Variants in NOS1 observed in about 807,000 individuals in gnomAD.
NOS1 encodes NOS type I.
NOS1 carries 51 observed loss-of-function variants against 164.5 expected under a neutral mutation model. The ratio of observed to expected loss-of-function variants is 0.31; its 90% CI spans 0.25 to 0.39. The LOEUF is 0.39. Ranked by LOEUF, NOS1 falls within the 10% of genes least tolerant of loss-of-function variation. The probability of loss-of-function intolerance (pLI) is 1.00; values close to 1 mark genes in which losing one functional copy is unlikely to be tolerated. For synonymous variants in NOS1, 719 were observed against 745.8 expected (o/e 0.96, Z 0.59); for missense variants, 1,362 against 1,885.6 (o/e 0.72, Z 5.14).
intron 1 of NOS1, among the ~76,000 whole-genome samples, chr12:117,337,104 C>CTATTTTT (rs1566082153): frequency 5.3e-5 from 5 of 94,072 alleles, no homozygotes; most frequent in Non-Finnish European, 4.2e-5. Flanking sequence ...CTGCTTTTTA[C>CTATTTTT]TCTTTTTTTT....
At chr12:117,292,691 A>C (rs1343782502) in intron 3 of NOS1, among the ~76,000 whole-genome samples, 2 of 152,232 alleles carry the variant, frequency 1.3e-5, no homozygotes, top group African/African-American at 4.8e-5. Context: ...TCTGGCTCCC[A>C]AACCATGCCC....
chr12:117,302,106 G>A (rs1207713497), intron 3 of NOS1: 3 of 456,544 alleles, frequency 6.6e-6, no homozygotes, highest in Non-Finnish European at 1.3e-5. Context: ...ATTTCATTGG[G>A]TTGAGCTGGG....
At chr12:117,353,928 C>T (rs1200618853) in intron 1 of NOS1, among the ~76,000 whole-genome samples, 5 of 152,046 alleles carry the variant, frequency 3.3e-5, no homozygotes, top group Admixed American at 3.3e-4. Context: ...GGTGAGAATC[C>T]ACCTCTACAA....
chr12:117,302,135 A>C, intron 3 of NOS1: 2 of 456,592 alleles, frequency 4.4e-6, no homozygotes, highest in Non-Finnish European at 8.8e-6. Flanking sequence ...GAAGCCATGG[A>C]CTTAAAGTGC....
intron 1 of NOS1, among the ~76,000 whole-genome samples, chr12:117,341,914 T>C (rs1253726904): frequency 2.0e-5 from 3 of 152,222 alleles, no homozygotes; most frequent in Admixed American, 2.0e-4. Context: ...ACTATTATTT[T>C]TAGAGTCACT....
intron 3 of NOS1, among the ~76,000 whole-genome samples, chr12:117,295,539 G>A (rs1212984381): frequency 6.6e-6 from 1 of 151,814 alleles, no homozygotes; most frequent in Admixed American, 6.6e-5. Context: ...TGATGTAAAG[G>A]GTTGAATTCC....
chr12:117,314,154 T>C (rs1874569691), intron 2 of NOS1, among the ~76,000 whole-genome samples: 1 of 152,248 alleles, frequency 6.6e-6, no homozygotes. Flanking sequence ...CTTCTGCTTT[T>C]CTGCCTGGAG....
chr12:117,332,580 T>A (rs1376568361), intron 1 of NOS1, among the ~76,000 whole-genome samples: 1 of 150,690 alleles, frequency 6.6e-6, no homozygotes, highest in African/African-American at 2.5e-5. Context: ...AAAAAAAAAA[T>A]CAGGCCGGTC....
chr12:117,343,415 G>A (rs1368965799), intron 1 of NOS1, among the ~76,000 whole-genome samples: 2 of 152,084 alleles, frequency 1.3e-5, no homozygotes, highest in Admixed American at 6.6e-5. Context: ...TCCTAATAAC[G>A]TCATTTCCAT....
chr12:117,318,825 T>C (rs1160832333), intron 2 of NOS1, among the ~76,000 whole-genome samples: 1 of 152,204 alleles, frequency 6.6e-6, no homozygotes, highest in Non-Finnish European at 1.5e-5. Flanking sequence ...CAGGAGGCCC[T>C]GACCACATTT....
chr12:117,212,084 A>C lies in NOS1; in HGVS notation c.*3225T>G. 1.0e-6 allele frequency: 1 copy of C among 984,276 alleles called. No individual in the cohort carries two copies. Among genetic ancestry groups the C allele is most frequent in the Non-Finnish European group, 1.2e-6 (1 of 829,152 alleles). The allele number at this position is 984,276 out of a possible 1,614,324, so 61.0% of individuals were successfully genotyped here. ...CTGTCAAAAAAAAAAATAGATTCTAACCTTCTGCACGAGAGGAACTGTGTT... is the reference window on the plus strand; with the variant it reads ...CTGTCAAAAAAAAAAATAGATTCTACCCTTCTGCACGAGAGGAACTGTGTT... On this transcript the variant is annotated 3_prime_UTR_variant, in exon 29 of 29. Transcript: ENST00000317775.
chr12:117,332,822 G>A (rs1332901212), intron 1 of NOS1, among the ~76,000 whole-genome samples: 1 of 152,192 alleles, frequency 6.6e-6, no homozygotes, highest in African/African-American at 2.4e-5. Flanking sequence ...CTGAGATTAC[G>A]CCATTGCGCT....
At chr12:117,355,459 A>G (rs1876813865) in intron 1 of NOS1, among the ~76,000 whole-genome samples, 1 of 152,196 alleles carries the variant, frequency 6.6e-6, no homozygotes, top group Non-Finnish European at 1.5e-5. Flanking sequence ...GTAAACTAAA[A>G]TGCCTCGAAG....
At chr12:117,238,757 C>T (rs377692157) in intron 20 of NOS1, among the ~76,000 whole-genome samples, 16 of 152,180 alleles carry the variant, frequency 1.1e-4, no homozygotes, top group African/African-American at 3.4e-4. Flanking sequence ...CCTCATGATC[C>T]GCCTGCCTCG....
In NOS1 at chr12:117,267,587, C is replaced by CA. The variant is rs59643665; in HGVS notation, c.1941+455dup. On this transcript the variant is annotated intron_variant, in intron 11 of 28. Transcript: ENST00000317775. ...GGGCGACAAGAGTGAAACTCCATCT[C>CA]AAAAAAAAAAAAAAAGTGTTGTGGC... 6.6e-3 allele frequency among the ~76,000 whole-genome samples: 915 copies of CA among 139,492 alleles called. 12 individuals are homozygous for CA. The highest frequency in any genetic ancestry group is 0.024 in the East Asian group (114 of 4,704). 91.5% of individuals were successfully genotyped at this position (139,492 alleles called of 152,430 possible).
At position 117,208,479 on chromosome 12, in the gene NOS1, T is replaced by C. The variant is rs1956476475; in HGVS notation, c.*6830A>G. The C allele has an allele frequency of 7.9e-7, 1 of 1,266,282 alleles. No individual in the cohort carries two copies. Among genetic ancestry groups the C allele is most frequent in the Non-Finnish European group, 1.0e-6 (1 of 975,310 alleles). 78.4% of individuals were successfully genotyped at this position (1,266,282 alleles called of 1,614,324 possible). A position where few individuals can be genotyped will look rare whatever the true frequency, so the allele number is the denominator to read the frequency against. On this transcript the variant is annotated 3_prime_UTR_variant, in exon 29 of 29. Transcript: ENST00000317775. Reference sequence around the variant, plus strand: ...AGCTTCCCAAGCCCGGAACGGACACTGCGACGTGGGGTGCCCGGCACCGCT... The same window carrying C: ...AGCTTCCCAAGCCCGGAACGGACACCGCGACGTGGGGTGCCCGGCACCGCT...
intron 28 of NOS1, among the ~76,000 whole-genome samples, chr12:117,217,702 C>CA (rs113163267): frequency 8.1e-4 from 113 of 140,262 alleles, no homozygotes; most frequent in Admixed American, 2.0e-3. Context: ...AAGACTCCGT[C>CA]AAAAAAAAAA....
intron 10 of NOS1, among the ~76,000 whole-genome samples, chr12:117,269,785 G>A (rs1872671436): frequency 6.6e-6 from 1 of 152,162 alleles, no homozygotes; most frequent in African/African-American, 2.4e-5. Flanking sequence ...TTTTAACAGA[G>A]ATGTAGGTCT....
intron 25 of NOS1, among the ~76,000 whole-genome samples, chr12:117,224,627 C>T (rs1235191702): frequency 1.3e-5 from 2 of 152,120 alleles, no homozygotes; most frequent in African/African-American, 2.4e-5. Context: ...GGGTTTCTTT[C>T]TCTCTCTCTC....
Sources: gnomAD v4.1 joint callset for allele counts (sites outside exome capture counted in the v4.1 genomes callset) on GRCh38, gnomAD v4.1.1 for gene constraint, MANE v1.5 for transcripts, NCBI Gene and HGNC (gene_info 2026-07-23, HGNC 2026-07-21) for gene names.